The following RIN3 variants were observed in gnomAD, a reference collection of about 807,000 sequenced individuals.
RIN3 encodes the protein Ras and Rab interactor 3.
A neutral mutation model predicts 76.3 loss-of-function variants in RIN3; 54 were observed. The ratio of observed to expected loss-of-function variants is 0.71; its 90% CI spans 0.57 to 0.89. The LOEUF is 0.89. RIN3 is among the 40% of genes least tolerant of loss of function. The probability of loss-of-function intolerance (pLI) is 0.00; values close to 1 mark genes in which losing one functional copy is unlikely to be tolerated. For missense variants in RIN3, 1,256 were observed against 1,322.1 expected, an observed-to-expected ratio of 0.95 and a Z score of 0.78; for synonymous variants, 576 against 564.0, an observed-to-expected ratio of 1.02 and a Z score of -0.30.
At chr14:92,550,994 A>G (rs1018867422) in intron 1 of RIN3, among the ~76,000 whole-genome samples, 6 of 152,186 alleles carry the variant, frequency 3.9e-5, no homozygotes, top group African/African-American at 1.4e-4. Flanking sequence ...TTTGTTACAT[A>G]TCTTTACATA....
chr14:92,671,749 T>G (rs1426803775), intron 7 of RIN3, among the ~76,000 whole-genome samples: 2 of 152,280 alleles, frequency 1.3e-5, no homozygotes, highest in African/African-American at 4.8e-5. Context: ...CAAAAGTCAT[T>G]ACTCCCTCAA....
chr14:92,528,256 C>T (rs542317733), intron 1 of RIN3, among the ~76,000 whole-genome samples: 1 of 152,224 alleles, frequency 6.6e-6, no homozygotes, highest in South Asian at 2.1e-4. Flanking sequence ...CGCCTCCCTC[C>T]TAGGGAGATG....
rs1037614260 is a variant in RIN3, at chr14:92,665,045, C to T, written c.2335+5576C>T. Among the ~76,000 whole-genome samples, 7 of 152,248 alleles carry T rather than the reference C, an allele frequency of 4.6e-5. No homozygotes were observed. The East Asian group carries it at 5.8e-4, about 13-fold the overall frequency. On this transcript the variant is annotated intron_variant, in intron 7 of 9. Coordinates refer to ENST00000216487, the MANE Select transcript of RIN3 (RefSeq NM_024832.5). ...TGATGGAAATAGAATCTGAGGAGTG[C>T]GTCATTAGACAATTTCATTGTTGTG...
chr14:92,561,614 C>T (rs1037335660), intron 2 of RIN3, among the ~76,000 whole-genome samples: 6 of 152,108 alleles, frequency 3.9e-5, no homozygotes, highest in African/African-American at 1.4e-4. Context: ...TAGTGTGGTA[C>T]ATTCGCCACA....
At position 92,687,978 on chromosome 14, in the gene RIN3, C is replaced by G. The variant is rs1344838899; in HGVS notation, c.2684C>G (p.Ala895Gly). ...LEPEQQARTL[A>G]SRADTQAQAL... is the part of the protein sequence containing the mutation. ...CCCGAGCAGCAGGCGCGGACGCTGGCGTCGCGGGCGGACACCCAGGCCCAG... is the reference window on the plus strand; with the variant it reads ...CCCGAGCAGCAGGCGCGGACGCTGGGGTCGCGGGCGGACACCCAGGCCCAG... Residue 895 changes from alanine to glycine, a missense_variant, in exon 10 of 10, where the codon GCG becomes GGG. Physicochemically the swap from Ala to Gly is moderately conservative, Grantham distance 60 (BLOSUM62 0). Transcript: ENST00000216487. 1 of 1,560,130 alleles carries G rather than the reference C, an allele frequency of 6.4e-7. No individual in the cohort carries two copies. The highest frequency in any genetic ancestry group is 1.2e-5 in the South Asian group (1 of 85,500).
At chr14:92,638,519 G>A (rs1052244004) in intron 4 of RIN3, among the ~76,000 whole-genome samples, 7 of 152,190 alleles carry the variant, frequency 4.6e-5, no homozygotes, top group Non-Finnish European at 7.4e-5. Context: ...TGGCAGTCAG[G>A]GGGTGGGCAC....
At chr14:92,552,479 A>G (rs1897454786) in intron 1 of RIN3, among the ~76,000 whole-genome samples, 1 of 152,078 alleles carries the variant, frequency 6.6e-6, no homozygotes, top group African/African-American at 2.4e-5. Context: ...GTGCTTGTAC[A>G]TGTGGATTTA....
At position 92,590,147 on chromosome 14, in the gene RIN3, C is replaced by G. The variant is rs532288112; in HGVS notation, c.367+12670C>G. 4.6e-5 allele frequency among the ~76,000 whole-genome samples: 7 copies of G among 152,310 alleles called. No homozygotes were observed. In the South Asian group the frequency reaches 1.2e-3, roughly 27 times the overall value. On this transcript the variant is annotated intron_variant, in intron 3 of 9. Transcript: ENST00000216487. The stretch of plus-strand genomic sequence containing the variant: ...GGCCTCCACACTTTTGTGAGTTTTA[C>G]CACCAGTAGCTTGACCAGGTTCCTG...
At chr14:92,572,545 C>G (rs1898090894) in intron 2 of RIN3, among the ~76,000 whole-genome samples, 1 of 152,162 alleles carries the variant, frequency 6.6e-6, no homozygotes, top group African/African-American at 2.4e-5. Flanking sequence ...CTGATGGTCG[C>G]CTGACATTCC....
chr14:92,539,291 CGAATAAATACTTACTGGGT>C (rs1195523513), intron 1 of RIN3, among the ~76,000 whole-genome samples: 17 of 151,988 alleles, frequency 1.1e-4, no homozygotes, highest in Non-Finnish European at 2.2e-4. Flanking sequence ...ACTTACTGGG[CGAATAAATACTTACTGGGT>C]GAATAAATGG....
rs1896394644 is a variant in RIN3, at chr14:92,514,822, T to C, written c.44+846T>C. On this transcript the variant is annotated intron_variant, in intron 1 of 9. Transcript: ENST00000216487. This position sits in a 1 kb window ranked among gnomAD's most constrained non-coding sequence, Gnocchi z 7.2. ...GCGTCCTGAGAAGCTTCAGGTGTTG[T>C]AGAGACGCCCGGTCGGAGGCGGATT... Among the ~76,000 whole-genome samples, 1 of 152,200 alleles carries C rather than the reference T, an allele frequency of 6.6e-6. No homozygotes were observed. The highest frequency in any genetic ancestry group is 1.5e-5 in the Non-Finnish European group (1 of 68,034).
chr14:92,598,207 C>A (rs1885218589), intron 3 of RIN3, among the ~76,000 whole-genome samples: 1 of 152,124 alleles, frequency 6.6e-6, no homozygotes, highest in South Asian at 2.1e-4. Flanking sequence ...ACTGGAGAGA[C>A]CATGTGGAGA....
chr14:92,552,021 T>C (rs1217456246), intron 1 of RIN3, among the ~76,000 whole-genome samples: 1 of 152,312 alleles, frequency 6.6e-6, no homozygotes, highest in East Asian at 1.9e-4. Flanking sequence ...GAGCGTGGGC[T>C]CCAGGTGGAG....
At chr14:92,539,979 C>A (rs74072939) in intron 1 of RIN3, among the ~76,000 whole-genome samples, 3,594 of 152,010 alleles carry the variant, frequency 0.024, 129 homozygotes, top group African/African-American at 0.083. Context: ...CACCACCAGG[C>A]CTCCACACGT....
chr14:92,535,124 T>A (rs2140008150), intron 1 of RIN3, among the ~76,000 whole-genome samples: 1 of 152,320 alleles, frequency 6.6e-6, no homozygotes, highest in African/African-American at 2.4e-5. Context: ...CTCACGCTGT[T>A]GAGAATCTTT....
At chr14:92,575,486 T>C (rs772651705) in intron 2 of RIN3, among the ~76,000 whole-genome samples, 7 of 152,182 alleles carry the variant, frequency 4.6e-5, no homozygotes, top group Non-Finnish European at 7.3e-5. Flanking sequence ...CGACTGATTA[T>C]GCTTATGGTT....
chr14:92,646,688 G>A (rs1235822198), intron 5 of RIN3, among the ~76,000 whole-genome samples: 2 of 152,152 alleles, frequency 1.3e-5, no homozygotes, highest in Admixed American at 1.3e-4. Context: ...GATCCGGCCC[G>A]CCTCGGCCTC....
At position 92,652,586 on chromosome 14, in the gene RIN3, C is replaced by T. The variant is rs759510628; in HGVS notation, c.1537C>T (p.Pro513Ser). The change falls in exon 6 of 10, where the codon CCT (proline) becomes TCT (serine). Residue 513 changes from proline (P) to serine (S), a missense_variant. Coordinates refer to ENST00000216487, the MANE Select transcript of RIN3 (RefSeq NM_024832.5). The surrounding 1 kb of genome is among the most constrained non-coding windows in gnomAD (Gnocchi z 6.4). ...SPASQAGTQH[P>S]PAQATAHSQS... ...TGCTTCTCAGGCTGGGACTCAGCAC[C>T]CTCCTGCCCAGGCCACTGCCCATTC... 10 of 1,611,808 alleles carry T rather than the reference C, an allele frequency of 6.2e-6. No individual in the cohort carries two copies. Among genetic ancestry groups the T allele is most frequent in the Non-Finnish European group, 8.5e-6 (10 of 1,179,870 alleles).
rs1318957088 is a variant in RIN3 at position 92,652,777 on chromosome 14, C to G, written c.1728C>G (p.Gly576=). Residue 576 remains glycine, a synonymous_variant, in exon 6 of 10, where the codon GGC becomes GGG. Coordinates refer to ENST00000216487, the MANE Select transcript of RIN3 (RefSeq NM_024832.5). The surrounding 1 kb of genome is among the most constrained non-coding windows in gnomAD (Gnocchi z 6.4). ...SVKKKPSMIL[G]KARHRLSFAS... ...AGAAGAAGCCCTCCATGATCCTGGG[C>G]AAGGCTCGGCACCGGCTGAGCTTTG... The G allele has an allele frequency of 6.2e-7, 1 of 1,614,008 alleles. No individual in the cohort carries two copies. The highest frequency in any genetic ancestry group is 8.5e-7 in the Non-Finnish European group (1 of 1,180,042).
Sources: gnomAD v4.1 joint callset for allele counts (sites outside exome capture counted in the v4.1 genomes callset) on GRCh38, gnomAD v4.1.1 for gene constraint, Gnocchi (gnomAD v3.1) non-coding constraint, MANE v1.5 for transcripts, NCBI Gene and HGNC (gene_info 2026-07-23, HGNC 2026-07-21) for gene names.